Variants in FOXP1 observed in about 807,000 individuals in gnomAD.
FOXP1 encodes forkhead box P1.
A neutral mutation model predicts 98.2 loss-of-function variants in FOXP1; 15 were observed. The ratio of observed to expected loss-of-function variants is 0.15; its 90% CI spans 0.10 to 0.24. FOXP1 has a LOEUF of 0.24. Ranked by LOEUF, FOXP1 falls within the 10% of genes least tolerant of loss-of-function variation. FOXP1 has a pLI of 1.00. For synonymous variants in FOXP1, 371 were observed against 314.5 expected (o/e 1.18, Z -1.90); for missense variants, 633 against 848.5 (o/e 0.75, Z 3.15).
chr3:71,121,039 CT>C (rs1559971395), intron 6 of FOXP1, among the ~76,000 whole-genome samples: 13 of 95,038 alleles, frequency 1.4e-4, no homozygotes, highest in South Asian at 2.8e-4. Context: ...TTTTTTCTTT[CT>C]TTCTTTTTTT....
At chr3:71,163,900 A>G (rs74844238) in intron 6 of FOXP1, among the ~76,000 whole-genome samples, 1,617 of 152,232 alleles carry the variant, frequency 0.011, 18 homozygotes, top group African/African-American at 0.037. Context: ...ATGACAATAG[A>G]AAAGTTAGAA....
rs905372549 is a variant in FOXP1 at position 71,240,263 on chromosome 3, C to T, written c.-11-41871G>A. On this transcript the variant is annotated intron_variant, in intron 5 of 20. Coordinates refer to ENST00000649528, the MANE Select transcript of FOXP1 (RefSeq NM_001349338.3). ...CTTCGGCGAGAGCCATGGGGAGAAT[C>T]CGTTCACGATGTAGAAGAGTTTAGT... 1.3e-5 allele frequency among the ~76,000 whole-genome samples: 2 copies of T among 152,250 alleles called. 1 individual carries two copies.
At chr3:70,978,732 A>T (rs2038134662) in intron 14 of FOXP1, among the ~76,000 whole-genome samples, 1 of 141,988 alleles carries the variant, frequency 7.0e-6, no homozygotes, top group Non-Finnish European at 1.5e-5. Flanking sequence ...ATTTGTTTCT[A>T]TCAATCAATC....
At chr3:71,107,946 G>A (rs1045378672) in intron 7 of FOXP1, among the ~76,000 whole-genome samples, 2 of 152,166 alleles carry the variant, frequency 1.3e-5, no homozygotes, top group Non-Finnish European at 2.9e-5. Flanking sequence ...ATCACCCTGA[G>A]CTTCCAAGTG....
chr3:71,047,820 G>A (rs1029052904), intron 9 of FOXP1, among the ~76,000 whole-genome samples: 1 of 152,134 alleles, frequency 6.6e-6, no homozygotes. Context: ...CATCTGCTTT[G>A]TTCTTGAAAA....
intron 4 of FOXP1, among the ~76,000 whole-genome samples, chr3:71,322,484 G>A (rs1451998982): frequency 6.6e-6 from 1 of 152,208 alleles, no homozygotes; most frequent in Non-Finnish European, 1.5e-5. Flanking sequence ...TTAACCTACT[G>A]TGATAGGTGA....
chr3:71,077,871 T>C lies in FOXP1; in HGVS notation c.283-24098A>G, dbSNP rs2053976650. Among the ~76,000 whole-genome samples the C allele has an allele frequency of 2.6e-5, 4 of 152,020 alleles. No homozygotes were observed. In the South Asian group the frequency reaches 8.3e-4, roughly 32 times the overall value. On this transcript the variant is annotated intron_variant, in intron 7 of 20. Coordinates refer to ENST00000649528, the MANE Select transcript of FOXP1 (RefSeq NM_001349338.3). ...TTTTGAGATGGAGTTTCACTCTTGT[T>C]GCCCAGGCTGGAGTGCAATGGCGTG... is the stretch of plus-strand genomic sequence containing the variant.
At chr3:71,068,453 G>A (rs1486919959) in intron 7 of FOXP1, among the ~76,000 whole-genome samples, 1 of 152,158 alleles carries the variant, frequency 6.6e-6, no homozygotes, top group African/African-American at 2.4e-5. Context: ...GAATGGCCCT[G>A]TGGTGAGGCA....
chr3:71,313,650 C>T (rs1312484137), intron 4 of FOXP1, among the ~76,000 whole-genome samples: 4 of 152,010 alleles, frequency 2.6e-5, no homozygotes, highest in South Asian at 4.2e-4. Flanking sequence ...CTCAGCCTCC[C>T]GATTAGCTGG....
chr3:70,995,105 G>A (rs1198035637), intron 13 of FOXP1, among the ~76,000 whole-genome samples: 1 of 151,590 alleles, frequency 6.6e-6, no homozygotes, highest in Non-Finnish European at 1.5e-5. Context: ...AACCACCACT[G>A]CAACTTTTTG....
intron 6 of FOXP1, among the ~76,000 whole-genome samples, chr3:71,172,063 C>A (rs2108222720): frequency 6.6e-6 from 1 of 152,324 alleles, no homozygotes; most frequent in African/African-American, 2.4e-5. Flanking sequence ...AACAACCCAA[C>A]CTGCTATCCT....
chr3:71,499,925 T>C (rs2041210271), intron 2 of FOXP1, among the ~76,000 whole-genome samples: 3 of 152,232 alleles, frequency 2.0e-5, no homozygotes, highest in Non-Finnish European at 4.4e-5. Flanking sequence ...ATAATACTTC[T>C]GTTTTTAAAA....
chr3:71,399,894 T>A (rs951694936), intron 3 of FOXP1, among the ~76,000 whole-genome samples: 2 of 152,200 alleles, frequency 1.3e-5, no homozygotes, highest in South Asian at 2.1e-4. Flanking sequence ...CAGTTGTTAA[T>A]TTGAAAACGA....
chr3:71,515,731 A>G (rs1180971534), intron 2 of FOXP1, among the ~76,000 whole-genome samples: 6 of 152,236 alleles, frequency 3.9e-5, no homozygotes, highest in East Asian at 3.8e-4. Flanking sequence ...AGCACTTAAC[A>G]TAAGTTATAT....
chr3:71,526,464 C>T (rs2043388381), intron 2 of FOXP1, among the ~76,000 whole-genome samples: 2 of 152,192 alleles, frequency 1.3e-5, no homozygotes, highest in African/African-American at 4.8e-5. Flanking sequence ...ATATAGAAAC[C>T]TGCAAGGAAT....
At chr3:71,410,651 T>C (rs1051044592) in intron 3 of FOXP1, among the ~76,000 whole-genome samples, 3 of 152,226 alleles carry the variant, frequency 2.0e-5, no homozygotes, top group African/African-American at 7.2e-5. Context: ...CCTGCTTTAA[T>C]ACATTTTTTT....
intron 5 of FOXP1, among the ~76,000 whole-genome samples, chr3:71,218,368 T>C (rs2065100574): frequency 6.6e-6 from 1 of 152,212 alleles, no homozygotes; most frequent in South Asian, 2.1e-4. Context: ...CAAGACACTG[T>C]CATTCATATC....
At chr3:71,042,599 A>G (rs1474001329) in intron 10 of FOXP1, among the ~76,000 whole-genome samples, 1 of 152,238 alleles carries the variant, frequency 6.6e-6, no homozygotes, top group African/African-American at 2.4e-5. Flanking sequence ...AGGCAATACC[A>G]CATTAGAAGT....
chr3:71,177,224 C>T (rs574419253), intron 6 of FOXP1, among the ~76,000 whole-genome samples: 6 of 152,246 alleles, frequency 3.9e-5, no homozygotes, highest in South Asian at 2.1e-4. Context: ...GACTCTCTCC[C>T]GTTGAAATGA....
Sources: gnomAD v4.1 joint callset for allele counts (sites outside exome capture counted in the v4.1 genomes callset) on GRCh38, gnomAD v4.1.1 for gene constraint, MANE v1.5 for transcripts, NCBI Gene and HGNC (gene_info 2026-07-23, HGNC 2026-07-21) for gene names.